The following TUBGCP6 variants were observed in gnomAD, a reference collection of about 807,000 sequenced individuals.
TUBGCP6 encodes the protein gamma-tubulin complex component 6.
A neutral mutation model predicts 175.8 loss-of-function variants in TUBGCP6; 161 were observed. The observed-to-expected ratio is 0.92, with a 90% CI of 0.81 to 1.04. The LOEUF (loss-of-function observed/expected upper bound fraction) is 1.04, where lower values mean the gene tolerates loss of function less well. TUBGCP6 is among the 50% of genes least tolerant of loss of function. The pLI is 0.00. For synonymous variants in TUBGCP6, 1,173 were observed against 1,030.5 expected (o/e 1.14, Z -2.65); for missense variants, 2,572 against 2,433.0 (o/e 1.06, Z -1.20).
intron 1 of TUBGCP6, among the ~76,000 whole-genome samples, chr22:50,241,453 C>G (rs1190067071): frequency 2.0e-5 from 3 of 152,126 alleles, no homozygotes; most frequent in African/African-American, 7.2e-5. Flanking sequence ...GCTCCACCAC[C>G]TCTTGTGGAG....
At chr22:50,227,723 G>C (rs2064633349) in intron 5 of TUBGCP6, among the ~76,000 whole-genome samples, 184 bp downstream of exon 5, 1 of 152,202 alleles carries the variant, frequency 6.6e-6, no homozygotes, top group South Asian at 2.1e-4. Context: ...TGGGCCCACG[G>C]CAGACACACC....
At chr22:50,217,886 C>T in intron 24 of TUBGCP6, 32 bp downstream of exon 24, 1 of 1,605,530 alleles carries the variant, frequency 6.2e-7, no homozygotes, top group Non-Finnish European at 8.5e-7. Context: ...CCCTGGCCCC[C>T]CCGCAGCCCT....
chr22:50,223,852 G>C (rs1357616395), intron 13 of TUBGCP6: 1 of 293,650 alleles, frequency 3.4e-6, no homozygotes, highest in African/African-American at 2.2e-5. Flanking sequence ...AAATAAGGAA[G>C]GATGTTCAGA....
Position 50,218,695 on chromosome 22 carries a change from C to CTT in TUBGCP6, c.4821+7_4821+8insAA. 6.2e-7 allele frequency: 1 copy of CTT among 1,613,532 alleles called. No homozygotes were observed. On this transcript the variant is annotated splice_region_variant and intron_variant, in intron 21 of 24. Coordinates refer to ENST00000248846, the MANE Select transcript of TUBGCP6 (RefSeq NM_020461.4). ...GTCCCATCCCCCGCGGCCAGGGCTGCTGCTGACCTTGTACCTGAGCTCCAG... is the reference window on the plus strand; with the variant it reads ...GTCCCATCCCCCGCGGCCAGGGCTGCTTTGCTGACCTTGTACCTGAGCTCCAG...
intron 3 of TUBGCP6, among the ~76,000 whole-genome samples, chr22:50,231,561 AG>A (rs2064692531): frequency 6.6e-6 from 1 of 152,132 alleles, no homozygotes; most frequent in South Asian, 2.1e-4. Flanking sequence ...AGAATAATTA[AG>A]AAAAAAGATG....
At position 50,218,576 on chromosome 22, in the gene TUBGCP6, G is replaced by T; in HGVS notation, c.4866C>A (p.Ser1622Arg). ...GGAAGGAGAAGACGCCGCTGTACTT[G>T]CTCACGCAGCCCTCGGTGATGACAA... ...LNIVITEGCV[S>R]KYSGVFSFLL... The change falls in exon 22 of 25, where the codon AGC becomes AGA. Residue 1622 changes from serine (S) to arginine (R), a missense_variant. Ser to Arg is a moderately radical substitution (Grantham distance 110). Transcript: ENST00000248846. 6.2e-7 allele frequency: 1 copy of T among 1,613,820 alleles called. No homozygotes were observed. Among genetic ancestry groups the T allele is most frequent in the South Asian group, 1.1e-5 (1 of 91,078 alleles).
rs1387227857 is a variant in TUBGCP6 at position 50,244,202 on chromosome 22, G to A, written c.258C>T (p.Ala86=). 1 of 1,613,310 alleles carries A rather than the reference G, an allele frequency of 6.2e-7. No individual in the cohort carries two copies. The highest frequency in any genetic ancestry group is 8.5e-7 in the Non-Finnish European group (1 of 1,180,036). ...CCTCCACAAGCTCCTCCAAACGGTC[G>A]GCCTTGGGGCCCAGGCCACCCACTC... ...DLRVGGLGPK[A]DRLEELVEEL... is the part of the protein sequence containing the mutation. Residue 86 remains alanine, a synonymous_variant, in exon 1 of 25, where the codon GCC becomes GCT. Coordinates refer to ENST00000248846, the MANE Select transcript of TUBGCP6 (RefSeq NM_020461.4).
At chr22:50,239,322 G>A (rs1023117368) in intron 2 of TUBGCP6, among the ~76,000 whole-genome samples, 4 of 152,018 alleles carry the variant, frequency 2.6e-5, no homozygotes, top group East Asian at 1.9e-4. Context: ...GATTATAAGC[G>A]AGCACCACCA....
chr22:50,240,715 C>A (rs527644500), intron 1 of TUBGCP6, among the ~76,000 whole-genome samples: 1 of 152,194 alleles, frequency 6.6e-6, no homozygotes, highest in Non-Finnish European at 1.5e-5. Context: ...CGGGGCCAGG[C>A]GCAGTGGCTC....
chr22:50,229,318 G>A (rs962470491), intron 4 of TUBGCP6, 86 bp downstream of exon 4: 23 of 1,440,290 alleles, frequency 1.6e-5, no homozygotes, highest in Non-Finnish European at 2.1e-5. Context: ...CTCTGGTCCT[G>A]CAGAAGGACC....
chr22:50,244,556 A>G lies in TUBGCP6; in HGVS notation c.-97T>C. Reference sequence around the variant, plus strand: ...ACAGGGAGTGAGAGAGGGTCCGAAGAGGCTGAATGACAGGCGGCCTCTCCA... The same window carrying G: ...ACAGGGAGTGAGAGAGGGTCCGAAGGGGCTGAATGACAGGCGGCCTCTCCA... On this transcript the variant is annotated 5_prime_UTR_variant, in exon 1 of 25. Coordinates refer to ENST00000248846, the MANE Select transcript of TUBGCP6 (RefSeq NM_020461.4). 1 of 1,452,468 alleles carries G rather than the reference A, an allele frequency of 6.9e-7. No individual in the cohort carries two copies. The highest frequency in any genetic ancestry group is 9.0e-7 in the Non-Finnish European group (1 of 1,109,026). 90.0% of individuals were successfully genotyped at this position (1,452,468 alleles called of 1,614,324 possible). A position where few individuals can be genotyped will look rare whatever the true frequency, so the allele number is the denominator to read the frequency against.
chr22:50,229,450 A>G lies in TUBGCP6; in HGVS notation c.1244T>C (p.Leu415Pro). 6.2e-7 allele frequency: 1 copy of G among 1,613,536 alleles called. No individual in the cohort carries two copies. Among genetic ancestry groups the G allele is most frequent in the East Asian group, 2.2e-5 (1 of 44,872 alleles). ...TCYTRLSHFS[L>P]QPVLDSLYSK... ...GTACAAAGAGTCCAGGACGGGCTGC[A>G]GAGAGAAATGACTCAGGCGCGTGTA... The change falls in exon 4 of 25, where the codon CTG (leucine) becomes CCG (proline). Residue 415 changes from leucine (L) to proline (P), a missense_variant. By Grantham distance (98) the Leu-to-Pro change is moderately conservative. Transcript: ENST00000248846.
At position 50,244,543 on chromosome 22, in the gene TUBGCP6, A is replaced by G. The variant is rs1051049858; in HGVS notation, c.-84T>C. On this transcript the variant is annotated 5_prime_UTR_variant, in exon 1 of 25. Coordinates refer to ENST00000248846, the MANE Select transcript of TUBGCP6 (RefSeq NM_020461.4). The stretch of plus-strand genomic sequence containing the variant: ...CACGCTCCGGAAGACAGGGAGTGAG[A>G]GAGGGTCCGAAGAGGCTGAATGACA... 1.3e-5 allele frequency: 19 copies of G among 1,477,134 alleles called. No individual in the cohort carries two copies. Among genetic ancestry groups the G allele is most frequent in the Middle Eastern group, 2.4e-4 (1 of 4,240 alleles). 91.5% of individuals were successfully genotyped at this position (1,477,134 alleles called of 1,614,324 possible). A position where few individuals can be genotyped will look rare whatever the true frequency, so the allele number is the denominator to read the frequency against.
chr22:50,220,010 C>T lies in TUBGCP6; in HGVS notation c.4114G>A (p.Gly1372Arg). Residue 1372 changes from glycine to arginine, a missense_variant, in exon 17 of 25, where the codon GGG becomes AGG. Coordinates refer to ENST00000248846, the MANE Select transcript of TUBGCP6 (RefSeq NM_020461.4). ...AGGTCCTCAGTGTCCCCGCTCCTCC[C>T]AGGGCCTGTGTGGACACAAGTGGAC... ...GDSVSEELGP[G>R]RSGDTEDLSP... 5 of 1,613,566 alleles carry T rather than the reference C, an allele frequency of 3.1e-6. No individual in the cohort carries two copies. The highest frequency in any genetic ancestry group is 4.2e-6 in the Non-Finnish European group (5 of 1,179,722).
intron 2 of TUBGCP6, among the ~76,000 whole-genome samples, chr22:50,234,865 ACCCACACACACCCAT>A (rs2064749041): frequency 9.2e-6 from 1 of 109,184 alleles, no homozygotes; most frequent in Admixed American, 9.5e-5. Flanking sequence ...TGGCAGCATC[ACCCACACACACCCAT>A]GGCAGCATCA....
At chr22:50,240,938 G>A (rs1208139930) in intron 1 of TUBGCP6, among the ~76,000 whole-genome samples, 3 of 152,208 alleles carry the variant, frequency 2.0e-5, no homozygotes, top group Non-Finnish European at 4.4e-5. Context: ...GCAGTGAGCC[G>A]AGATTGCGCC....
At position 50,218,116 on chromosome 22, in the gene TUBGCP6, C is replaced by T; in HGVS notation, c.5170G>A (p.Gly1724Ser). 3 of 1,612,154 alleles carry T rather than the reference C, an allele frequency of 1.9e-6. No homozygotes were observed. The highest frequency in any genetic ancestry group is 1.7e-5 in the Admixed American group (1 of 60,004). The change falls in exon 24 of 25, where the codon GGC becomes AGC. Residue 1724 changes from glycine to serine, a missense_variant and splice_region_variant. Gly to Ser is a moderately conservative substitution (Grantham distance 56). Coordinates refer to ENST00000248846, the MANE Select transcript of TUBGCP6 (RefSeq NM_020461.4). ...AEYLHKAVFR[G>S]LLTEKAAPVM... ...GGCGCCGCCTTCTCCGTGAGCAGGC[C>T]CCTGGGGGGAAGCAGTGCTGCTGGG...
chr22:50,230,808 A>G (rs776822221), intron 3 of TUBGCP6, among the ~76,000 whole-genome samples: 5 of 150,530 alleles, frequency 3.3e-5, no homozygotes, highest in Non-Finnish European at 5.9e-5. Context: ...AACAGGCTGG[A>G]CGCAGTGGCT....
rs2064603269 is a variant in TUBGCP6 at position 50,226,085 on chromosome 22, T to G, written c.1798A>C (p.Lys600Gln). The G allele has an allele frequency of 1.2e-6, 2 of 1,614,042 alleles. No individual in the cohort carries two copies. Among genetic ancestry groups the G allele is most frequent in the South Asian group, 2.2e-5 (2 of 91,088 alleles). Residue 600 changes from lysine to glutamine, a missense_variant, in exon 9 of 25, where the codon AAG (lysine) becomes CAG (glutamine). Transcript: ENST00000248846. ...HIAHDIYVCG[K>Q]TINLLKLCCP... ...CAGAGCTTCAGCAGGTTAATGGTCT[T>G]TCCGCAGACGTATATGTCGTGGGCA...
Sources: gnomAD v4.1 joint callset for allele counts (sites outside exome capture counted in the v4.1 genomes callset) on GRCh38, gnomAD v4.1.1 for gene constraint, MANE v1.5 for transcripts, NCBI Gene and HGNC (gene_info 2026-07-23, HGNC 2026-07-21) for gene names.